Variants in ANGPT1 observed in about 807,000 individuals in gnomAD.
ANGPT1 encodes angiopoietin 1, also known as angiopoietin-1.
ANGPT1 carries 17 observed loss-of-function variants against 62.2 expected under a neutral mutation model. That is an observed-to-expected ratio of 0.27 (90% CI 0.19 to 0.41). The LOEUF is 0.41. Among genes scored for constraint, ANGPT1 ranks in the 10% least tolerant of loss-of-function variants. The probability of loss-of-function intolerance (pLI) is 1.00; values close to 1 mark genes in which losing one functional copy is unlikely to be tolerated. For missense variants in ANGPT1, 478 were observed against 594.9 expected, an observed-to-expected ratio of 0.80 and a Z score of 2.04; for synonymous variants, 199 against 198.9, an observed-to-expected ratio of 1.00 and a Z score of 0.00.
chr8:107,304,235 T>G (rs1814662966), intron 4 of ANGPT1, among the ~76,000 whole-genome samples: 1 of 151,736 alleles, frequency 6.6e-6, no homozygotes, highest in Admixed American at 6.6e-5. Context: ...GCTTTATCCA[T>G]TATTAACTTC....
intron 4 of ANGPT1, among the ~76,000 whole-genome samples, chr8:107,309,955 T>G (rs2130005679): frequency 6.6e-6 from 1 of 152,286 alleles, no homozygotes; most frequent in Non-Finnish European, 1.5e-5. Flanking sequence ...AAACAACTAC[T>G]TCTTTTCTCA....
At chr8:107,396,756 C>T (rs771576248) in intron 1 of ANGPT1, among the ~76,000 whole-genome samples, 36 of 152,100 alleles carry the variant, frequency 2.4e-4, no homozygotes, top group Non-Finnish European at 4.3e-4. Flanking sequence ...CTCCTGGCCT[C>T]AAGGGATCCT....
chr8:107,443,806 C>G (rs935958876), intron 1 of ANGPT1, among the ~76,000 whole-genome samples: 1 of 124,848 alleles, frequency 8.0e-6, no homozygotes, highest in Non-Finnish European at 1.6e-5. Flanking sequence ...GCAACAAGAG[C>G]GAAACTATGT....
intron 1 of ANGPT1, among the ~76,000 whole-genome samples, chr8:107,384,931 G>C (rs1816705298): frequency 6.6e-6 from 1 of 152,050 alleles, no homozygotes; most frequent in Admixed American, 6.6e-5. Flanking sequence ...GATGGTTGTA[G>C]GTGTGTGGCT....
At chr8:107,415,343 A>G (rs1810711763) in intron 1 of ANGPT1, among the ~76,000 whole-genome samples, 1 of 152,124 alleles carries the variant, frequency 6.6e-6, no homozygotes, top group Admixed American at 6.6e-5. Context: ...TTGTATTTTG[A>G]GTCAACTAAG....
chr8:107,400,743 A>G (rs929017065), intron 1 of ANGPT1, among the ~76,000 whole-genome samples: 1 of 151,912 alleles, frequency 6.6e-6, no homozygotes, highest in Non-Finnish European at 1.5e-5. Context: ...TATTTTTAGT[A>G]AAGACGGGTT....
intron 7 of ANGPT1, among the ~76,000 whole-genome samples, chr8:107,269,700 G>A (rs73700091): frequency 0.027 from 4,052 of 151,940 alleles, 193 homozygotes; most frequent in African/African-American, 0.092. Flanking sequence ...CAGACATAAG[G>A]AAGCTGTGAA....
chr8:107,327,129 C>G (rs745971254), intron 3 of ANGPT1, among the ~76,000 whole-genome samples: 6 of 152,114 alleles, frequency 3.9e-5, no homozygotes, highest in Admixed American at 1.3e-4. Context: ...ATTACTTTGT[C>G]AAGTCGATTT....
intron 7 of ANGPT1, among the ~76,000 whole-genome samples, chr8:107,265,527 A>C (rs1563540814): frequency 6.6e-6 from 1 of 152,190 alleles, no homozygotes. Context: ...CGACAGCTTG[A>C]AGCTCAAGGT....
At chr8:107,354,815 A>G (rs1816006737) in intron 1 of ANGPT1, among the ~76,000 whole-genome samples, 1 of 151,972 alleles carries the variant, frequency 6.6e-6, no homozygotes, top group South Asian at 2.1e-4. Flanking sequence ...ATCACAGTGA[A>G]CGGCACCATT....
chr8:107,393,524 G>A (rs913463227), intron 1 of ANGPT1, among the ~76,000 whole-genome samples: 3 of 152,106 alleles, frequency 2.0e-5, no homozygotes, highest in African/African-American at 7.2e-5. Context: ...AAATTAGGGG[G>A]ATGGGTTGGG....
chr8:107,269,254 G>T (rs1028645960), intron 7 of ANGPT1, among the ~76,000 whole-genome samples: 20 of 151,620 alleles, frequency 1.3e-4, no homozygotes, highest in Admixed American at 1.3e-3. Context: ...CTAGTTATTT[G>T]ATACAGGTAA....
intron 3 of ANGPT1, among the ~76,000 whole-genome samples, chr8:107,322,440 A>G (rs1183231979): frequency 6.6e-6 from 1 of 152,192 alleles, no homozygotes; most frequent in Non-Finnish European, 1.5e-5. Flanking sequence ...GCTACACTCT[A>G]AAGAAGTTAT....
intron 6 of ANGPT1, among the ~76,000 whole-genome samples, chr8:107,293,667 C>T (rs1814338656): frequency 6.6e-6 from 1 of 152,118 alleles, no homozygotes; most frequent in Non-Finnish European, 1.5e-5. Context: ...GCTTCCCCCA[C>T]CCTCATGCAA....
At chr8:107,320,850 T>C (rs1214011737) in intron 4 of ANGPT1, among the ~76,000 whole-genome samples, 1 of 152,080 alleles carries the variant, frequency 6.6e-6, no homozygotes, top group Non-Finnish European at 1.5e-5. Context: ...AAGCATGAAA[T>C]TGAACAAATT....
intron 4 of ANGPT1, among the ~76,000 whole-genome samples, chr8:107,305,115 A>G (rs1449934130): frequency 6.6e-6 from 1 of 151,682 alleles, no homozygotes; most frequent in Non-Finnish European, 1.5e-5. Context: ...TTTCTAAAAC[A>G]AAAAAAAATT....
At chr8:107,486,794 G>A (rs561688003) in intron 1 of ANGPT1, among the ~76,000 whole-genome samples, 9 of 152,192 alleles carry the variant, frequency 5.9e-5, no homozygotes, top group South Asian at 4.1e-4. Flanking sequence ...CTGTACTACC[G>A]TTAAACTTGC....
chr8:107,346,853 G>T, intron 2 of ANGPT1, 89 bp downstream of exon 2: 1 of 1,202,292 alleles, frequency 8.3e-7, no homozygotes, highest in Non-Finnish European at 1.1e-6. Context: ...TAATCACAGT[G>T]CTGAAATGTG....
intron 3 of ANGPT1, among the ~76,000 whole-genome samples, chr8:107,332,257 C>A (rs1449878704): frequency 6.6e-6 from 1 of 152,138 alleles, no homozygotes; most frequent in African/African-American, 2.4e-5. Context: ...TACTTAGGTT[C>A]TTGGTTGTGT....
Sources: gnomAD v4.1 joint callset for allele counts (sites outside exome capture counted in the v4.1 genomes callset) on GRCh38, gnomAD v4.1.1 for gene constraint, MANE v1.5 for transcripts, NCBI Gene and HGNC (gene_info 2026-07-23, HGNC 2026-07-21) for gene names.